SEL1L2: variants seen among roughly 807,000 people sequenced by gnomAD.
SEL1L2 encodes the protein protein sel-1 homolog 2.
Under a neutral mutation model 98.8 loss-of-function variants are expected in SEL1L2, and 89 were observed. The ratio of observed to expected loss-of-function variants is 0.90; its 90% CI spans 0.76 to 1.07. The LOEUF is 1.07. Ranked by LOEUF, SEL1L2 falls within the 50% of genes least tolerant of loss-of-function variation. The pLI, the probability that SEL1L2 is intolerant of heterozygous loss-of-function variation, is 0.00. For missense variants in SEL1L2, 788 were observed against 812.0 expected, an observed-to-expected ratio of 0.97 and a Z score of 0.36; for synonymous variants, 262 against 278.5, an observed-to-expected ratio of 0.94 and a Z score of 0.59.
chr20:13,985,312 T>G (rs976569732), intron 1 of SEL1L2, among the ~76,000 whole-genome samples: 1 of 152,204 alleles, frequency 6.6e-6, no homozygotes, highest in East Asian at 1.9e-4. Flanking sequence ...CACAGCAAAC[T>G]GATACACTTA....
chr20:13,854,411 A>G lies in SEL1L2; in HGVS notation c.1819-4092T>C, dbSNP rs182563171. On this transcript the variant is annotated intron_variant, in intron 18 of 19. Coordinates refer to ENST00000284951, the MANE Select transcript of SEL1L2 (RefSeq NM_025229.2). ...TTCTCGTACTCCATGGTACAAAAAT[A>G]TTTTTGAACAGGACCTGGCAGTGCT... 2.8e-3 allele frequency among the ~76,000 whole-genome samples: 422 copies of G among 152,322 alleles called. 1 individual carries two copies. The highest frequency in any genetic ancestry group is 9.4e-3 in the African/African-American group (389 of 41,574).
chr20:13,892,038 T>C (rs1316794596), intron 5 of SEL1L2, among the ~76,000 whole-genome samples: 2 of 152,144 alleles, frequency 1.3e-5, no homozygotes, highest in Non-Finnish European at 2.9e-5. Flanking sequence ...TTAAAGTATA[T>C]AAAGTAGTAA....
In SEL1L2 at chr20:13,866,832, T is replaced by G. The variant is rs1270030034; in HGVS notation, c.1274A>C (p.Lys425Thr). 6.2e-7 allele frequency: 1 copy of G among 1,609,256 alleles called. No homozygotes were observed. Among genetic ancestry groups the G allele is most frequent in the Non-Finnish European group, 8.5e-7 (1 of 1,178,480 alleles). Reference sequence around the variant, plus strand: ...ATATTTGAAGGCAAGTTTATAATCCTTCCATATTCCAGAGCCAGCTGAAAA... The same window carrying G: ...ATATTTGAAGGCAAGTTTATAATCCGTCCATATTCCAGAGCCAGCTGAAAA... ...FMYYSGSGIW[K>T]DYKLAFKYFY... The change falls in exon 15 of 20, where the codon AAG (lysine) becomes ACG (threonine). Residue 425 changes from lysine (K) to threonine (T), a missense_variant. Transcript: ENST00000284951.
chr20:13,991,173 C>A (rs763797669), upstream of SEL1L2, among the ~76,000 whole-genome samples: 1 of 152,104 alleles, frequency 6.6e-6, no homozygotes, highest in Non-Finnish European at 1.5e-5. Context: ...TACGAGAAAT[C>A]AAAATGAATA....
chr20:13,918,906 G>A (rs1475511831), intron 4 of SEL1L2, 115 bp downstream of exon 4: 5 of 668,746 alleles, frequency 7.5e-6, no homozygotes, highest in Non-Finnish European at 1.3e-5. Context: ...TAGTTTATGG[G>A]CAAATAGGCT....
At chr20:13,867,062 C>A (rs970163739) in intron 14 of SEL1L2, among the ~76,000 whole-genome samples, 2 of 151,782 alleles carry the variant, frequency 1.3e-5, no homozygotes, top group African/African-American at 4.8e-5. Context: ...TATTCTTGAG[C>A]CATTCTGAAA....
intron 17 of SEL1L2, among the ~76,000 whole-genome samples, chr20:13,862,005 T>A (rs1990217647): frequency 6.6e-6 from 1 of 152,234 alleles, no homozygotes; most frequent in Admixed American, 6.5e-5. Flanking sequence ...AGCATGTCAC[T>A]GTCATCTGAT....
At chr20:13,874,107 T>C (rs948245176) in intron 12 of SEL1L2, among the ~76,000 whole-genome samples, 1 of 152,034 alleles carries the variant, frequency 6.6e-6, no homozygotes, top group African/African-American at 2.4e-5. Flanking sequence ...GACAAAAGTA[T>C]GGAGATGGGG....
intron 18 of SEL1L2, among the ~76,000 whole-genome samples, chr20:13,858,727 G>A (rs1305167494): frequency 2.6e-5 from 4 of 152,090 alleles, no homozygotes; most frequent in East Asian, 1.9e-4. Flanking sequence ...ATGACTCATC[G>A]CCTCAAGTCA....
At position 13,869,693 on chromosome 20, in the gene SEL1L2, T is replaced by C. The variant is rs551813636; in HGVS notation, c.1168-103A>G. 3.6e-4 allele frequency: 267 copies of C among 742,302 alleles called. 3 individuals are homozygous for C. In the South Asian group the frequency reaches 4.3e-3, roughly 12 times the overall value. 46.0% of individuals were successfully genotyped at this position (742,302 alleles called of 1,614,324 possible). A position where few individuals can be genotyped will look rare whatever the true frequency, so the allele number is the denominator to read the frequency against. On this transcript the variant is annotated intron_variant, in intron 13 of 19. Coordinates refer to ENST00000284951, the MANE Select transcript of SEL1L2 (RefSeq NM_025229.2). ...AGAGTATAGACAGTGCCCTATGTGA[T>C]TTAGGGTAATTAAAATAGTATCAGA...
chr20:13,953,006 G>A (rs1207302625), intron 2 of SEL1L2, among the ~76,000 whole-genome samples: 1 of 152,118 alleles, frequency 6.6e-6, no homozygotes, highest in African/African-American at 2.4e-5. Flanking sequence ...TCTCTTCACT[G>A]ATAGGTAATT....
intron 2 of SEL1L2, among the ~76,000 whole-genome samples, chr20:13,952,691 T>G (rs1000088708): frequency 6.6e-6 from 1 of 152,156 alleles, no homozygotes; most frequent in Non-Finnish European, 1.5e-5. Context: ...CTTCAATCTA[T>G]ACCCCTTTTG....
chr20:13,964,167 C>A (rs367788634), intron 1 of SEL1L2, among the ~76,000 whole-genome samples: 4 of 152,092 alleles, frequency 2.6e-5, no homozygotes, highest in African/African-American at 7.2e-5. Flanking sequence ...AGCCACTGCA[C>A]CCGGCCTGTA....
chr20:13,876,314 A>C (rs2147903802), intron 11 of SEL1L2, among the ~76,000 whole-genome samples, 199 bp from the exon 12 acceptor site: 1 of 152,238 alleles, frequency 6.6e-6, no homozygotes. Flanking sequence ...AAAACAAGAA[A>C]AAGTAAGAGT....
At chr20:13,889,110 C>A (rs1019673910) in intron 5 of SEL1L2, among the ~76,000 whole-genome samples, 2 of 151,846 alleles carry the variant, frequency 1.3e-5, no homozygotes, top group Non-Finnish European at 2.9e-5. Context: ...CAGGTGCCCA[C>A]CACCACACTG....
At chr20:13,873,977 G>A (rs2046319451) in intron 12 of SEL1L2, among the ~76,000 whole-genome samples, 1 of 152,170 alleles carries the variant, frequency 6.6e-6, no homozygotes, top group African/African-American at 2.4e-5. Context: ...GTTCAGAACA[G>A]GAAAGAGATC....
intron 15 of SEL1L2, among the ~76,000 whole-genome samples, chr20:13,866,246 G>A (rs1291330531): frequency 6.6e-6 from 1 of 152,142 alleles, no homozygotes; most frequent in African/African-American, 2.4e-5. Context: ...GCGCATCACT[G>A]GCTCAGGCTG....
intron 12 of SEL1L2, among the ~76,000 whole-genome samples, chr20:13,874,818 TC>T (rs1340097867): frequency 6.6e-6 from 1 of 152,178 alleles, no homozygotes; most frequent in African/African-American, 2.4e-5. Flanking sequence ...TTGAAATGAT[TC>T]CTGGTTTGAG....
intron 1 of SEL1L2, among the ~76,000 whole-genome samples, chr20:13,967,387 T>A (rs1381281188): frequency 2.6e-5 from 4 of 152,140 alleles, no homozygotes. Context: ...CCTTACCACA[T>A]GTAAAACTGA....
Sources: gnomAD v4.1 joint callset for allele counts (sites outside exome capture counted in the v4.1 genomes callset) on GRCh38, gnomAD v4.1.1 for gene constraint, MANE v1.5 for transcripts, NCBI Gene and HGNC (gene_info 2026-07-23, HGNC 2026-07-21) for gene names.